Variants in ENTPD5 observed in about 807,000 individuals in gnomAD.
ENTPD5 encodes the protein ectonucleoside triphosphate diphosphohydrolase 5 (inactive).
In ENTPD5, 49 loss-of-function variants were observed where a neutral mutation model predicts 60.2. The observed-to-expected ratio is 0.81, with a 90% confidence interval of 0.65 to 1.03. The LOEUF (loss-of-function observed/expected upper bound fraction) is 1.03. Among genes scored for constraint, ENTPD5 ranks in the 50% least tolerant of loss-of-function variants. The probability of loss-of-function intolerance (pLI) is 0.00; values close to 1 mark genes in which losing one functional copy is unlikely to be tolerated. For synonymous variants in ENTPD5, 187 were observed against 185.4 expected (o/e 1.01, Z -0.07); for missense variants, 480 against 507.6 (o/e 0.95, Z 0.52).
intron 3 of ENTPD5, chr14:74,007,635 T>C (rs1298935308): frequency 6.6e-6 from 1 of 151,680 alleles, no homozygotes; most frequent in Non-Finnish European, 1.5e-5. Context: ...TTCAAGTCAA[T>C]AAAACTAATA....
intron 2 of ENTPD5, among the ~76,000 whole-genome samples, chr14:74,015,479 G>A (rs2058989850): frequency 6.6e-6 from 1 of 151,060 alleles, no homozygotes; most frequent in South Asian, 2.1e-4. Flanking sequence ...AGCCTCCTGA[G>A]TAGCTGGAAC....
chr14:74,001,394 C>T (rs1348807257), intron 3 of ENTPD5, among the ~76,000 whole-genome samples: 2 of 151,616 alleles, frequency 1.3e-5, no homozygotes, highest in African/African-American at 2.4e-5. Context: ...CCCAGCTACT[C>T]GGGAGGGTTA....
chr14:73,973,517 G>A (rs1406209090), intron 12 of ENTPD5, among the ~76,000 whole-genome samples: 2 of 152,156 alleles, frequency 1.3e-5, no homozygotes, highest in Admixed American at 6.5e-5. Context: ...ATTTGTAAGA[G>A]GTAGGGTCTC....
downstream of ENTPD5, chr14:73,955,429 C>A (rs1036540303): frequency 1.9e-6 from 3 of 1,608,824 alleles, no homozygotes. Flanking sequence ...TCACTCTGGT[C>A]TATAGATCCT....
At chr14:73,958,818 T>G (rs2056567087), downstream of ENTPD5, 3 of 1,529,342 alleles carry the variant, frequency 2.0e-6, no homozygotes, top group Non-Finnish European at 2.6e-6. Flanking sequence ...GTGCAGGGGC[T>G]CCACCTCTAG....
downstream of ENTPD5, chr14:73,961,888 A>C: frequency 6.2e-7 from 1 of 1,614,166 alleles, no homozygotes; most frequent in Non-Finnish European, 8.5e-7. Context: ...CCACAAATGC[A>C]GTGTCTCCAC....
chr14:74,004,969 T>G (rs8019882), intron 3 of ENTPD5, among the ~76,000 whole-genome samples: 2,770 of 151,628 alleles, frequency 0.018, 82 homozygotes, highest in African/African-American at 0.063. Flanking sequence ...TTTTGTGGGG[T>G]TTTTTTTCCA....
intron 3 of ENTPD5, among the ~76,000 whole-genome samples, chr14:73,995,048 ATTT>A (rs35990462): frequency 1.8e-4 from 26 of 144,566 alleles, no homozygotes; most frequent in Admixed American, 3.5e-4. Flanking sequence ...GCCAGGCAGA[ATTT>A]TTTTTTTTTT....
At chr14:74,009,113 G>A (rs2058767122) in intron 3 of ENTPD5, 1 of 152,172 alleles carries the variant, frequency 6.6e-6, no homozygotes, top group Non-Finnish European at 1.5e-5. Context: ...ATCACTTGGA[G>A]GAAAGCTGTT....
chr14:73,998,345 A>C (rs1424277351), intron 3 of ENTPD5, among the ~76,000 whole-genome samples: 5 of 152,126 alleles, frequency 3.3e-5, no homozygotes, highest in Non-Finnish European at 7.3e-5. Flanking sequence ...AGGGCGGTAG[A>C]AGCTCAGGGC....
chr14:73,956,112 C>T, downstream of ENTPD5: 3 of 669,686 alleles, frequency 4.5e-6, no homozygotes, highest in South Asian at 1.6e-5. Context: ...ATCACGAGGT[C>T]AGGAGATGGA....
downstream of ENTPD5, chr14:73,958,873 A>G (rs1349989544): frequency 6.4e-7 from 1 of 1,560,668 alleles, no homozygotes; most frequent in Admixed American, 1.9e-5. Context: ...CTGCCACACA[A>G]CAATCAGAGC....
rs939703217 is a variant in ENTPD5 at position 73,971,833 on chromosome 14, G to T, written c.1084+19C>A. 16 of 1,585,622 alleles carry T rather than the reference G, an allele frequency of 1.0e-5. No homozygotes were observed. Among genetic ancestry groups the T allele is most frequent in the Middle Eastern group, 1.7e-4 (1 of 6,002 alleles). On this transcript the variant is annotated intron_variant, in intron 14 of 15. Transcript: ENST00000334696. ...GCAGTCTCACAGGCTTACCTTCAAG[G>T]GCTTCCCCTGACACTTACCTTCCCT...
intron 2 of ENTPD5, among the ~76,000 whole-genome samples, chr14:74,014,120 T>G (rs1273843284): frequency 6.6e-6 from 1 of 152,092 alleles, no homozygotes; most frequent in Non-Finnish European, 1.5e-5. Flanking sequence ...ATGGGATATT[T>G]TGCAAATAAA....
intron 9 of ENTPD5, 126 bp downstream of exon 9, chr14:73,976,198 T>TCAAG (rs1566720137): frequency 2.3e-6 from 2 of 870,832 alleles, no homozygotes; most frequent in Non-Finnish European, 3.7e-6. Flanking sequence ...ATTCACCTAG[T>TCAAG]TATTAATTGA....
downstream of ENTPD5, chr14:73,959,394 A>T (rs774018234): frequency 1.9e-6 from 3 of 1,613,884 alleles, no homozygotes; most frequent in East Asian, 6.7e-5. Context: ...AGCCGTTGGT[A>T]TTGGTGTTCT....
chr14:73,995,766 G>A (rs2058321152), intron 3 of ENTPD5, among the ~76,000 whole-genome samples: 1 of 151,984 alleles, frequency 6.6e-6, no homozygotes, highest in Non-Finnish European at 1.5e-5. Context: ...AGTGCAGATA[G>A]GCGTACTTTT....
chr14:74,006,046 T>C (rs951710956), intron 3 of ENTPD5, among the ~76,000 whole-genome samples: 1 of 152,028 alleles, frequency 6.6e-6, no homozygotes, highest in African/African-American at 2.4e-5. Context: ...TGGAGTGCAA[T>C]GGCATGATCT....
At chr14:74,000,024 GT>G (rs1212692175) in intron 3 of ENTPD5, among the ~76,000 whole-genome samples, 4 of 150,088 alleles carry the variant, frequency 2.7e-5, no homozygotes, top group Admixed American at 6.7e-5. Context: ...GGGGGCGGAG[GT>G]TGCAGTTAGC....
Sources: gnomAD v4.1 joint callset for allele counts (sites outside exome capture counted in the v4.1 genomes callset) on GRCh38, gnomAD v4.1.1 for gene constraint, MANE v1.5 for transcripts, NCBI Gene and HGNC (gene_info 2026-07-23, HGNC 2026-07-21) for gene names.